Variants in TTLL11 observed in about 807,000 individuals in gnomAD.
TTLL11 encodes tubulin tyrosine ligase like 11, also known as tubulin polyglutamylase TTLL11.
Under a neutral mutation model 51.7 loss-of-function variants are expected in TTLL11, and 42 were observed. The observed-to-expected ratio is 0.81, with a 90% confidence interval of 0.64 to 1.05. TTLL11 has a LOEUF of 1.05. TTLL11 is among the 50% of genes least tolerant of loss of function. TTLL11 has a pLI of 0.00. For synonymous variants in TTLL11, 381 were observed against 383.5 expected, an observed-to-expected ratio of 0.99 and a Z score of 0.08; for missense variants, 799 against 940.4, an observed-to-expected ratio of 0.85 and a Z score of 1.97.
chr9:121,899,626 A>G (rs1839696779), intron 6 of TTLL11, among the ~76,000 whole-genome samples: 1 of 151,372 alleles, frequency 6.6e-6, no homozygotes, highest in Non-Finnish European at 1.5e-5. Context: ...CTGGTCTTGA[A>G]CTCCTGGCCT....
chr9:122,075,357 G>A (rs1588260280), intron 1 of TTLL11, among the ~76,000 whole-genome samples: 1 of 152,282 alleles, frequency 6.6e-6, no homozygotes, highest in East Asian at 1.9e-4. Flanking sequence ...TTTGTTGAAT[G>A]AATAATAAAG....
intron 1 of TTLL11, among the ~76,000 whole-genome samples, chr9:122,080,189 A>T (rs1245055315): frequency 6.6e-6 from 1 of 152,150 alleles, no homozygotes; most frequent in Non-Finnish European, 1.5e-5. Flanking sequence ...CATAGGTTGG[A>T]GAAGATTCAT....
At chr9:121,929,246 C>A (rs1840868092) in intron 6 of TTLL11, among the ~76,000 whole-genome samples, 1 of 152,050 alleles carries the variant, frequency 6.6e-6, no homozygotes, top group Non-Finnish European at 1.5e-5. Context: ...TCAAGACCAG[C>A]CTGACCAACA....
chr9:122,080,985 G>T (rs948784059), intron 1 of TTLL11, among the ~76,000 whole-genome samples: 23 of 152,210 alleles, frequency 1.5e-4, no homozygotes, highest in African/African-American at 5.5e-4. Context: ...ATACTGGAAA[G>T]AAATGCTTCA....
At chr9:121,869,812 T>G (rs1838290479) in intron 7 of TTLL11, among the ~76,000 whole-genome samples, 1 of 152,166 alleles carries the variant, frequency 6.6e-6, no homozygotes, top group African/African-American at 2.4e-5. Context: ...TGACTTGCCT[T>G]AGGGTTACTT....
chr9:121,944,416 G>A (rs1198272035), intron 6 of TTLL11, among the ~76,000 whole-genome samples: 4 of 151,958 alleles, frequency 2.6e-5, no homozygotes, highest in Admixed American at 1.3e-4. Context: ...GCTGAGGCAG[G>A]AGAATCACTT....
At chr9:121,839,753 A>G (rs1261172090) in intron 8 of TTLL11, among the ~76,000 whole-genome samples, 1 of 152,184 alleles carries the variant, frequency 6.6e-6, no homozygotes, top group African/African-American at 2.4e-5. Context: ...CCAGCAGTTA[A>G]CTGGCGGGGC....
At chr9:121,949,482 A>G (rs1346305731) in intron 6 of TTLL11, among the ~76,000 whole-genome samples, 1 of 152,218 alleles carries the variant, frequency 6.6e-6, no homozygotes, top group East Asian at 1.9e-4. Flanking sequence ...CATAATAACT[A>G]ACATTTTGTG....
intron 6 of TTLL11, among the ~76,000 whole-genome samples, chr9:121,909,813 G>T (rs1204976564): frequency 6.6e-6 from 1 of 152,144 alleles, no homozygotes; most frequent in African/African-American, 2.4e-5. Flanking sequence ...ATGAGGCAAT[G>T]GTGTTGGGGC....
At chr9:121,991,491 C>T (rs1443842389) in intron 3 of TTLL11, among the ~76,000 whole-genome samples, 1 of 152,196 alleles carries the variant, frequency 6.6e-6, no homozygotes, top group East Asian at 1.9e-4. Flanking sequence ...GTACACTTGG[C>T]CCTTTACAGT....
chr9:121,943,586 G>T (rs577014843), intron 6 of TTLL11, among the ~76,000 whole-genome samples: 1 of 152,286 alleles, frequency 6.6e-6, no homozygotes, highest in African/African-American at 2.4e-5. Context: ...GCTCAAGAAT[G>T]ATCAAAATAG....
At chr9:121,922,860 C>T (rs989054296) in intron 6 of TTLL11, among the ~76,000 whole-genome samples, 4 of 151,914 alleles carry the variant, frequency 2.6e-5, no homozygotes, top group African/African-American at 9.7e-5. Context: ...GATAATTTCC[C>T]AGTACTATAA....
rs1288804551 is a variant in TTLL11, at chr9:121,989,716, G to T, written c.748C>A (p.Pro250Thr). The T allele has an allele frequency of 1.2e-6, 2 of 1,612,296 alleles. No individual in the cohort carries two copies. The highest frequency in any genetic ancestry group is 1.3e-5 in the African/African-American group (1 of 74,970). ...CCATCACCCTGACAACCACCATCAGGTTTCACGATAAAAGTGGGCTTCCAG... is the reference window on the plus strand; with the variant it reads ...CCATCACCCTGACAACCACCATCAGTTTTCACGATAAAAGTGGGCTTCCAG... The part of the protein sequence containing the change: ...PSWKPTFIVK[P>T]DGGCQGDGIY... The change falls in exon 4 of 9, where the codon CCT becomes ACT. Residue 250 changes from proline (P) to threonine (T), a missense_variant. Physicochemically the swap from Pro to Thr is conservative, Grantham distance 38. This residue lies in a region of TTLL11 where 468 missense variants were observed against 612.8 expected (regional missense o/e 0.76). Coordinates refer to ENST00000321582, the MANE Select transcript of TTLL11 (RefSeq NM_001139442.2). The surrounding 1 kb of genome is among the most constrained non-coding windows in gnomAD (Gnocchi z 4.2).
chr9:121,923,008 C>T (rs940607801), intron 6 of TTLL11, among the ~76,000 whole-genome samples: 2 of 152,168 alleles, frequency 1.3e-5, no homozygotes, highest in Non-Finnish European at 2.9e-5. Context: ...ACACCTAATG[C>T]TTTGCAGGTG....
intron 6 of TTLL11, among the ~76,000 whole-genome samples, chr9:121,877,974 G>A (rs1300044807): frequency 6.6e-6 from 1 of 152,132 alleles, no homozygotes; most frequent in African/African-American, 2.4e-5. Flanking sequence ...AGAATCCTAC[G>A]AATTAGGTAT....
rs575955374 is a variant in TTLL11, at chr9:121,890,982, T to A, written c.1482-20234A>T. 5.3e-5 allele frequency among the ~76,000 whole-genome samples: 8 copies of A among 152,166 alleles called. No homozygotes were observed. Among genetic ancestry groups the A allele is most frequent in the Non-Finnish European group, 1.2e-4 (8 of 68,030 alleles). The stretch of plus-strand genomic sequence containing the variant: ...GTCTGATAGACAAAGACCCTAAGCC[T>A]TTGCATGAAACTGGCCTCTGCCTGG... On this transcript the variant is annotated intron_variant, in intron 6 of 8. Transcript: ENST00000321582. The surrounding 1 kb of genome is among the most constrained non-coding windows in gnomAD (Gnocchi z 4.3).
chr9:121,926,561 G>A (rs1214454875), intron 6 of TTLL11, among the ~76,000 whole-genome samples: 3 of 152,226 alleles, frequency 2.0e-5, no homozygotes, highest in Non-Finnish European at 4.4e-5. Flanking sequence ...CTGTGGCATA[G>A]ACGAGGATCC....
At chr9:121,965,827 A>G (rs1186085660) in intron 6 of TTLL11, among the ~76,000 whole-genome samples, 1 of 152,198 alleles carries the variant, frequency 6.6e-6, no homozygotes, top group East Asian at 1.9e-4. Context: ...AGAATTTCTG[A>G]TTAATATTTC....
At chr9:121,894,873 G>A (rs554136249) in intron 6 of TTLL11, among the ~76,000 whole-genome samples, 19 of 152,228 alleles carry the variant, frequency 1.2e-4, no homozygotes, top group African/African-American at 2.9e-4. Context: ...CCTTCTGCAC[G>A]TGTATCCCAG....
Sources: allele counts gnomAD v4.1 joint callset (sites outside exome capture counted in the v4.1 genomes callset), GRCh38; gene constraint gnomAD v4.1.1; regional missense constraint gnomAD v4.1.1; non-coding constraint Gnocchi (gnomAD v3.1); transcripts MANE v1.5; gene names NCBI Gene and HGNC (gene_info 2026-07-23, HGNC 2026-07-21).